Variants in CLEC2A observed in about 807,000 individuals in gnomAD.
CLEC2A encodes keratinocyte-associated C-type lectin.
In CLEC2A, 19 loss-of-function variants were observed where a neutral mutation model predicts 18.6. The observed-to-expected ratio is 1.02, with a 90% CI of 0.71 to 1.50. CLEC2A has a LOEUF of 1.50. Ranked by LOEUF, CLEC2A falls within the 40% of genes most tolerant of loss-of-function variation. CLEC2A has a pLI of 0.00. For missense variants in CLEC2A, 190 were observed against 207.9 expected (o/e 0.91, Z 0.53); for synonymous variants, 74 against 64.0 (o/e 1.16, Z -0.75).
intron 1 of CLEC2A, among the ~76,000 whole-genome samples, chr12:9,927,485 C>T (rs545175265): frequency 2.6e-5 from 4 of 151,858 alleles, no homozygotes; most frequent in South Asian, 4.2e-4. Flanking sequence ...GTATGCATGC[C>T]TATATGCATA....
At chr12:9,904,817 A>C (rs966623380) in intron 4 of CLEC2A, among the ~76,000 whole-genome samples, 17 of 152,048 alleles carry the variant, frequency 1.1e-4, no homozygotes, top group Admixed American at 7.9e-4. Context: ...AATAAGTTGG[A>C]GTTTCTGTTT....
At chr12:9,906,916 T>C (rs1238077103) in intron 4 of CLEC2A, among the ~76,000 whole-genome samples, 1 of 152,232 alleles carries the variant, frequency 6.6e-6, no homozygotes, top group Non-Finnish European at 1.5e-5. Context: ...CAGTGGTTAG[T>C]GTTAAATCAT....
intron 1 of CLEC2A, among the ~76,000 whole-genome samples, chr12:9,931,681 A>G (rs764686387): frequency 6.6e-6 from 1 of 152,190 alleles, no homozygotes; most frequent in Admixed American, 6.5e-5. Context: ...TTTACTTTTT[A>G]TCTCTTCACT....
chr12:9,894,097 TTCTC>T (rs1271538790), downstream of CLEC2A, among the ~76,000 whole-genome samples: 212 of 149,806 alleles, frequency 1.4e-3, 2 homozygotes, highest in African/African-American at 4.8e-3. Context: ...TTCTTTCTCT[TTCTC>T]TCTTTTTCTT....
At chr12:9,888,228 C>T in the CLEC2A span, among the ~76,000 whole-genome samples, 1 of 151,850 alleles carries the variant, frequency 6.6e-6, no homozygotes, top group East Asian at 1.9e-4. Context: ...TGGTGGCTCA[C>T]ACCTGTAATC....
At chr12:9,902,966 G>A (rs560889802) in intron 4 of CLEC2A, among the ~76,000 whole-genome samples, 35 of 152,262 alleles carry the variant, frequency 2.3e-4, no homozygotes, top group Admixed American at 1.6e-3. Context: ...TGTGGAGCAC[G>A]AGAAGGCTAA....
chr12:9,884,871 A>G, the CLEC2A span: 4 of 528,020 alleles, frequency 7.6e-6, no homozygotes, highest in Non-Finnish European at 1.3e-5. Context: ...CTGTAATAAA[A>G]ATGAAACAGA....
chr12:9,920,067 G>T (rs907622982), intron 3 of CLEC2A, among the ~76,000 whole-genome samples: 2 of 152,208 alleles, frequency 1.3e-5, no homozygotes, highest in Non-Finnish European at 2.9e-5. Context: ...AAAGATGGCT[G>T]CCCACATCTC....
downstream of CLEC2A, among the ~76,000 whole-genome samples, chr12:9,894,973 A>G (rs1031605735): frequency 1.3e-5 from 2 of 152,198 alleles, no homozygotes; most frequent in East Asian, 1.9e-4. Flanking sequence ...TGGTTATAAC[A>G]GTGTTCAGTC....
chr12:9,884,597 ATATT>A, the CLEC2A span, among the ~76,000 whole-genome samples: 3 of 148,614 alleles, frequency 2.0e-5, no homozygotes, highest in Non-Finnish European at 4.5e-5. Context: ...TACATTGTAT[ATATT>A]TATATTTTAT....
chr12:9,879,100 T>C, the CLEC2A span, among the ~76,000 whole-genome samples: 1 of 151,734 alleles, frequency 6.6e-6, no homozygotes, highest in Non-Finnish European at 1.5e-5. Flanking sequence ...AGAGTTTTCA[T>C]CCACAGAAAT....
chr12:9,924,021 G>A (rs1025939807), intron 2 of CLEC2A, among the ~76,000 whole-genome samples: 2 of 151,900 alleles, frequency 1.3e-5, no homozygotes, highest in African/African-American at 2.4e-5. Flanking sequence ...TGTAAATGAC[G>A]AGTTAATGGG....
chr12:9,913,247 T>C lies in CLEC2A; in HGVS notation c.*319A>G, dbSNP rs1863014438. The C allele has an allele frequency of 3.2e-6, 1 of 308,028 alleles. No homozygotes were observed. The highest frequency in any genetic ancestry group is 5.1e-6 in the Non-Finnish European group (1 of 194,608). 19.1% of individuals were successfully genotyped at this position (308,028 alleles called of 1,614,324 possible). On this transcript the variant is annotated 3_prime_UTR_variant, in exon 5 of 5. Transcript: ENST00000455827. ...AGATGCTATGTTCTGAGTATTTGGG[T>C]CCTCCCAAAACTCATAAATTGAAAG...
chr12:9,912,021 A>G (rs1862994172), downstream of CLEC2A, among the ~76,000 whole-genome samples: 1 of 152,172 alleles, frequency 6.6e-6, no homozygotes. Context: ...TCACAACAAA[A>G]ACTTTAGAGA....
chr12:9,922,920 T>TTTATTA (rs958942682), intron 2 of CLEC2A, among the ~76,000 whole-genome samples: 1 of 151,900 alleles, frequency 6.6e-6, no homozygotes, highest in South Asian at 2.1e-4. Context: ...TCCACCATGA[T>TTTATTA]TTATTATTAT....
chr12:9,914,059 A>T (rs188691252), intron 4 of CLEC2A, among the ~76,000 whole-genome samples: 23 of 152,282 alleles, frequency 1.5e-4, no homozygotes, highest in African/African-American at 5.5e-4. Context: ...AAATTCAAAG[A>T]TTCCTGAAAT....
the CLEC2A span, among the ~76,000 whole-genome samples, chr12:9,889,690 A>T: frequency 6.6e-6 from 1 of 151,710 alleles, no homozygotes; most frequent in Admixed American, 6.6e-5. Context: ...ACATATATAC[A>T]CACATATATA....
At chr12:9,898,427 C>T (rs1862781814), downstream of CLEC2A, among the ~76,000 whole-genome samples, 1 of 152,172 alleles carries the variant, frequency 6.6e-6, no homozygotes, top group Non-Finnish European at 1.5e-5. Flanking sequence ...CCTGCCTTCC[C>T]TGGTATGTAA....
chr12:9,907,592 G>A (rs866313963), intron 4 of CLEC2A, among the ~76,000 whole-genome samples: 17 of 152,072 alleles, frequency 1.1e-4, no homozygotes, highest in African/African-American at 3.6e-4. Flanking sequence ...CCTTCCCCTT[G>A]TAAATGGTTA....
Sources: gnomAD v4.1 joint callset for allele counts (sites outside exome capture counted in the v4.1 genomes callset) on GRCh38, gnomAD v4.1.1 for gene constraint, MANE v1.5 for transcripts, NCBI Gene and HGNC (gene_info 2026-07-23, HGNC 2026-07-21) for gene names.